The following STX19 variants were observed in gnomAD, a reference collection of about 807,000 sequenced individuals.
The protein encoded by STX19 is syntaxin 19.
STX19 carries 26 observed loss-of-function variants against 24.3 expected under a neutral mutation model. That is an observed-to-expected ratio of 1.07 (90% CI 0.78 to 1.48). The LOEUF (loss-of-function observed/expected upper bound fraction) is 1.48, where lower values mean the gene tolerates loss of function less well. STX19 is among the 40% of genes most tolerant of loss of function. STX19 has a pLI of 0.00. For synonymous variants in STX19, 116 were observed against 106.9 expected, an observed-to-expected ratio of 1.09 and a Z score of -0.52; for missense variants, 367 against 331.9, an observed-to-expected ratio of 1.11 and a Z score of -0.82.
intron 1 of STX19, among the ~76,000 whole-genome samples, chr3:94,023,802 A>ATATACATAC (rs540766888): frequency 1.6e-3 from 238 of 152,310 alleles, no homozygotes; most frequent in African/African-American, 5.6e-3. Context: ...TATGTTACTA[A>ATATACATAC]TATACATACT....
At chr3:94,016,026 G>A (rs1271935936) in intron 1 of STX19, among the ~76,000 whole-genome samples, 1 of 151,936 alleles carries the variant, frequency 6.6e-6, no homozygotes, top group East Asian at 1.9e-4. Context: ...CTTATTTTAG[G>A]AGTAATAATG....
chr3:94,018,917 C>A (rs2076390307), intron 1 of STX19, among the ~76,000 whole-genome samples: 1 of 152,006 alleles, frequency 6.6e-6, no homozygotes, highest in African/African-American at 2.4e-5. Flanking sequence ...AGGCATGTGC[C>A]ACCACGCCCA....
rs1301114465 is a variant in STX19 at position 94,028,482 on chromosome 3, T to C, written c.-129A>G. 1.3e-5 allele frequency: 2 copies of C among 152,254 alleles called. No homozygotes were observed. Among genetic ancestry groups the C allele is most frequent in the Admixed American group, 1.3e-4 (2 of 15,286 alleles). 9.4% of individuals were successfully genotyped at this position (152,254 alleles called of 1,614,324 possible). A position where few individuals can be genotyped will look rare whatever the true frequency, so the allele number is the denominator to read the frequency against. On this transcript the variant is annotated 5_prime_UTR_variant, in exon 1 of 2. Coordinates refer to ENST00000315099, the MANE Select transcript of STX19 (RefSeq NM_001001850.3). The stretch of plus-strand genomic sequence containing the variant: ...ACAAATTATCTAAATCTCTGTCTTA[T>C]AGGGCACAGACTAATTTCTGTATAG...
At chr3:94,027,555 G>C (rs1187576366) in intron 1 of STX19, among the ~76,000 whole-genome samples, 1 of 152,006 alleles carries the variant, frequency 6.6e-6, no homozygotes, top group African/African-American at 2.4e-5. Context: ...AAGATAATGT[G>C]TTCGAGGTAT....
At position 94,014,487 on chromosome 3, in the gene STX19, A is replaced by G; in HGVS notation, c.783T>C (p.Val261=). 1 of 1,610,486 alleles carries G rather than the reference A, an allele frequency of 6.2e-7. No individual in the cohort carries two copies. The highest frequency in any genetic ancestry group is 8.5e-7 in the Non-Finnish European group (1 of 1,178,968). The stretch of plus-strand genomic sequence containing the variant: ...GTCCAAATTTCTCTTTAGTATTGTT[A>G]ACATACTCTTTTGTACTATTCACTG... ...EMTVNSTKEY[V]NNTKEKFGLA... The change falls in exon 2 of 2, where the codon GTT becomes GTC. Residue 261 remains valine, a synonymous_variant. Transcript: ENST00000315099.
intron 1 of STX19, among the ~76,000 whole-genome samples, chr3:94,023,204 T>C (rs1032305418): frequency 1.2e-4 from 18 of 152,212 alleles, no homozygotes; most frequent in Admixed American, 7.2e-4. Flanking sequence ...ATACTATATT[T>C]TCTGTGGATA....
intron 1 of STX19, among the ~76,000 whole-genome samples, chr3:94,021,534 A>G (rs1387747499): frequency 6.6e-6 from 1 of 152,154 alleles, no homozygotes; most frequent in Non-Finnish European, 1.5e-5. Context: ...CCAGGTATAG[A>G]TACTTAAAGA....
chr3:94,021,276 C>A (rs2076443793), intron 1 of STX19, among the ~76,000 whole-genome samples: 1 of 151,506 alleles, frequency 6.6e-6, no homozygotes, highest in South Asian at 2.1e-4. Flanking sequence ...TCACTGCAAT[C>A]TCCACCTCCT....
chr3:94,026,868 G>A (rs1392175), intron 1 of STX19, among the ~76,000 whole-genome samples: 1 of 152,026 alleles, frequency 6.6e-6, no homozygotes. Flanking sequence ...ATTTAAAAAA[G>A]AAAGAACACT....
At chr3:94,021,304 C>G (rs994842046) in intron 1 of STX19, among the ~76,000 whole-genome samples, 7 of 151,676 alleles carry the variant, frequency 4.6e-5, no homozygotes, top group South Asian at 2.1e-4. Context: ...AAGCGATTCT[C>G]CTGCGTCAGC....
intron 1 of STX19, among the ~76,000 whole-genome samples, chr3:94,017,501 A>G (rs2076357657): frequency 6.6e-6 from 1 of 152,174 alleles, no homozygotes; most frequent in African/African-American, 2.4e-5. Context: ...AAAAGGTTAA[A>G]CCAATGTCCT....
intron 1 of STX19, among the ~76,000 whole-genome samples, chr3:94,018,956 G>C (rs542421760): frequency 2.0e-5 from 3 of 151,988 alleles, no homozygotes; most frequent in Non-Finnish European, 4.4e-5. Flanking sequence ...ATTAACGACA[G>C]GGTTTCACCA....
intron 1 of STX19, among the ~76,000 whole-genome samples, chr3:94,018,118 G>A (rs1276469613): frequency 6.6e-6 from 1 of 152,114 alleles, no homozygotes. Flanking sequence ...GGCCGGTCTT[G>A]AACTCCTGGG....
At chr3:94,021,888 AT>A (rs1385149143) in intron 1 of STX19, among the ~76,000 whole-genome samples, 1 of 152,016 alleles carries the variant, frequency 6.6e-6, no homozygotes, top group Non-Finnish European at 1.5e-5. Context: ...TAAAAATGTT[AT>A]TTTTTCCCTC....
chr3:94,025,481 C>G (rs1310785099), intron 1 of STX19, among the ~76,000 whole-genome samples: 1 of 152,108 alleles, frequency 6.6e-6, no homozygotes, highest in Non-Finnish European at 1.5e-5. Flanking sequence ...AGATCCTTTA[C>G]ATTATTAGGT....
intron 1 of STX19, among the ~76,000 whole-genome samples, chr3:94,026,742 A>C (rs1023095412): frequency 2.0e-5 from 3 of 152,202 alleles, no homozygotes; most frequent in African/African-American, 7.2e-5. Context: ...TAAATTTATT[A>C]TGTTGGAAGA....
chr3:94,014,624 GTC>G lies in STX19; in HGVS notation c.644_645del (p.Arg215ThrfsTer6). The G allele has an allele frequency of 6.2e-7, 1 of 1,613,422 alleles. No individual in the cohort carries two copies. Among genetic ancestry groups the G allele is most frequent in the Non-Finnish European group, 8.5e-7 (1 of 1,179,926 alleles). On this transcript the variant is annotated frameshift_variant, in exon 2 of 2. Coordinates refer to ENST00000315099, the MANE Select transcript of STX19 (RefSeq NM_001001850.3). LOFTEE classifies it high-confidence loss of function. Reference sequence around the variant, plus strand: ...TTCTCCAAATTAACAAGTTCCTTGTGTCTCTGTTCAATCTCTGAAAGTTGTGC... The same window carrying G: ...TTCTCCAAATTAACAAGTTCCTTGTGTCTGTTCAATCTCTGAAAGTTGTGC... ...TKAQLSEIEQ[R>X]HKELVNLENQ...
chr3:94,025,842 G>A (rs746685370), intron 1 of STX19, among the ~76,000 whole-genome samples: 3 of 152,036 alleles, frequency 2.0e-5, no homozygotes, highest in African/African-American at 7.2e-5. Context: ...AGATTATGTT[G>A]TATTATTCCT....
chr3:94,015,091 C>T lies in STX19; in HGVS notation c.179G>A (p.Ser60Asn). Residue 60 changes from serine (S) to asparagine (N), a missense_variant, in exon 2 of 2, where the codon AGT becomes AAT. Physicochemically the swap from Ser to Asn is conservative, Grantham distance 46. Transcript: ENST00000315099. ...HLHEIQKLQE[S>N]INNLADNVQK... The stretch of plus-strand genomic sequence containing the variant: ...AACATTATCTGCCAAATTGTTAATA[C>T]TTTCCTGTAGTTTTTGGATTTCATG... 6.2e-7 allele frequency: 1 copy of T among 1,613,806 alleles called. No homozygotes were observed. The highest frequency in any genetic ancestry group is 8.5e-7 in the Non-Finnish European group (1 of 1,179,886).
Sources: gnomAD v4.1 joint callset for allele counts (sites outside exome capture counted in the v4.1 genomes callset) on GRCh38, gnomAD v4.1.1 for gene constraint, MANE v1.5 for transcripts, NCBI Gene and HGNC (gene_info 2026-07-23, HGNC 2026-07-21) for gene names.